The following ECPAS variants were observed in gnomAD, a reference collection of about 807,000 sequenced individuals.
ECPAS encodes the protein proteasome adapter and scaffold protein ECM29.
Under a neutral mutation model 255.1 loss-of-function variants are expected in ECPAS, and 70 were observed. The ratio of observed to expected loss-of-function variants is 0.27; its 90% CI spans 0.23 to 0.33. The LOEUF (loss-of-function observed/expected upper bound fraction) is 0.33. Ranked by LOEUF, ECPAS falls within the 10% of genes least tolerant of loss-of-function variation. The pLI is 1.00. For missense variants in ECPAS, 1,817 were observed against 2,206.4 expected (o/e 0.82, Z 3.54); for synonymous variants, 784 against 775.0 (o/e 1.01, Z -0.19).
At chr9:111,467,709 G>A (rs927236722) in intron 2 of ECPAS, among the ~76,000 whole-genome samples, 3 of 152,020 alleles carry the variant, frequency 2.0e-5, no homozygotes, top group South Asian at 2.1e-4. Context: ...TATAATAGAC[G>A]ATTTCAGAAA....
intron 2 of ECPAS, among the ~76,000 whole-genome samples, chr9:111,467,790 C>T (rs542392235): frequency 2.0e-5 from 3 of 152,232 alleles, no homozygotes; most frequent in African/African-American, 7.2e-5. Context: ...ACATCACAGT[C>T]ACAAAGCAGT....
chr9:111,381,374 TG>T (rs2098140377), intron 35 of ECPAS, among the ~76,000 whole-genome samples: 1 of 152,192 alleles, frequency 6.6e-6, no homozygotes, highest in Non-Finnish European at 1.5e-5. Context: ...CTTAAATGGG[TG>T]TAGTTCATAC....
chr9:111,450,488 A>T (rs2098258969), intron 3 of ECPAS, among the ~76,000 whole-genome samples: 1 of 152,234 alleles, frequency 6.6e-6, no homozygotes, highest in Admixed American at 6.5e-5. Context: ...GACCTCCAGG[A>T]AGTCACTGCC....
At chr9:111,433,671 CCTCT>C (rs1417843283) in intron 7 of ECPAS, among the ~76,000 whole-genome samples, 3 of 152,118 alleles carry the variant, frequency 2.0e-5, no homozygotes, top group Admixed American at 2.0e-4. Flanking sequence ...CAAACCCAAG[CCTCT>C]CTGACTCCAA....
At chr9:111,371,531 G>C in intron 43 of ECPAS, 90 bp downstream of exon 43, 1 of 1,199,430 alleles carries the variant, frequency 8.3e-7, no homozygotes, top group African/African-American at 1.5e-5. Context: ...TAATCCATTG[G>C]AAAAGTTACA....
rs1589166357 is a variant in ECPAS, at chr9:111,416,453, AGT to A, written c.1684-103_1684-102del. On this transcript the variant is annotated intron_variant, in intron 17 of 49. Transcript: ENST00000684092. Reference sequence around the variant, plus strand: ...ACTGTGTTTCTAGCTACATGTCCTAAGTTTGCTTCTTTTTCTGATCAAACATT... The same window carrying A: ...ACTGTGTTTCTAGCTACATGTCCTAATTGCTTCTTTTTCTGATCAAACATT... 3.6e-6 allele frequency: 3 copies of A among 822,584 alleles called. No homozygotes were observed. In the East Asian group the frequency reaches 7.7e-5, roughly 21 times the overall value. 51.0% of individuals were successfully genotyped at this position (822,584 alleles called of 1,614,324 possible).
At chr9:111,413,503 CTT>C (rs2098198130) in intron 20 of ECPAS, among the ~76,000 whole-genome samples, 2 of 151,690 alleles carry the variant, frequency 1.3e-5, no homozygotes, top group Admixed American at 1.3e-4. Flanking sequence ...TAAGTGGTCA[CTT>C]ATATATGTTT....
At chr9:111,445,984 A>G (rs1345862043) in intron 3 of ECPAS, among the ~76,000 whole-genome samples, 1 of 152,168 alleles carries the variant, frequency 6.6e-6, no homozygotes, top group Non-Finnish European at 1.5e-5. Flanking sequence ...AGCTTCATCC[A>G]TGTCCCTGCA....
chr9:111,366,753 G>A (rs2098120804), intron 46 of ECPAS, 126 bp from the exon 47 acceptor site: 1 of 625,746 alleles, frequency 1.6e-6, no homozygotes, highest in Non-Finnish European at 2.9e-6. Context: ...AGAAGGTGGG[G>A]AGGATAAGAG....
At chr9:111,473,470 C>T (rs1463744890) in intron 1 of ECPAS, among the ~76,000 whole-genome samples, 2 of 151,960 alleles carry the variant, frequency 1.3e-5, no homozygotes, top group Non-Finnish European at 2.9e-5. Flanking sequence ...TCTCTTAGCA[C>T]TCTTCATCTC....
chr9:111,362,924 T>A (rs887116172), intron 49 of ECPAS, among the ~76,000 whole-genome samples: 1 of 152,130 alleles, frequency 6.6e-6, no homozygotes, highest in African/African-American at 2.4e-5. Flanking sequence ...CTAAGAGAGG[T>A]GTTTTAATTG....
At chr9:111,391,697 T>G (rs2098160449) in intron 29 of ECPAS, 59 bp downstream of exon 29, 1 of 1,049,228 alleles carries the variant, frequency 9.5e-7, no homozygotes, top group Non-Finnish European at 1.5e-6. Context: ...TTTACCAGAC[T>G]AATAAATGCA....
intron 8 of ECPAS, 64 bp downstream of exon 8, chr9:111,433,169 G>C: frequency 6.5e-7 from 1 of 1,548,148 alleles, no homozygotes; most frequent in South Asian, 1.2e-5. Context: ...AACAAAAAAT[G>C]TGTCAAGTAA....
chr9:111,401,635 A>G (rs191603347), intron 24 of ECPAS, among the ~76,000 whole-genome samples: 3 of 152,334 alleles, frequency 2.0e-5, no homozygotes, highest in Non-Finnish European at 2.9e-5. Flanking sequence ...AGACCAGGGC[A>G]TATTTCAGTC....
At position 111,390,115 on chromosome 9, in the gene ECPAS, A is replaced by G. The variant is rs1238404506; in HGVS notation, c.3162-14T>C. On this transcript the variant is annotated splice_polypyrimidine_tract_variant and intron_variant, in intron 29 of 49. Coordinates refer to ENST00000684092, the MANE Select transcript of ECPAS (RefSeq NM_001364929.1). ...GAAAGGCCCTGACTTGGAAACAAAG[A>G]AAAAGAGGTAGGCAATAATACACTT... is the stretch of plus-strand genomic sequence containing the variant. 6.8e-7 allele frequency: 1 copy of G among 1,478,526 alleles called. No homozygotes were observed. Among genetic ancestry groups the G allele is most frequent in the South Asian group, 1.2e-5 (1 of 83,492 alleles). 91.6% of individuals were successfully genotyped at this position (1,478,526 alleles called of 1,614,324 possible). A position where few individuals can be genotyped will look rare whatever the true frequency, so the allele number is the denominator to read the frequency against.
chr9:111,416,027 C>T (rs372687898), intron 18 of ECPAS, among the ~76,000 whole-genome samples: 6 of 152,148 alleles, frequency 3.9e-5, no homozygotes, highest in Non-Finnish European at 8.8e-5. Flanking sequence ...GTAATCACTA[C>T]AGAACATCCA....
intron 12 of ECPAS, 24 bp from the exon 13 acceptor site, chr9:111,423,272 A>G: frequency 6.7e-7 from 1 of 1,493,186 alleles, no homozygotes; most frequent in Non-Finnish European, 9.1e-7. Context: ...AAAGAAAAGA[A>G]AGAAAAGAAA....
chr9:111,448,005 T>C (rs1276410054), intron 3 of ECPAS, among the ~76,000 whole-genome samples: 1 of 152,042 alleles, frequency 6.6e-6, no homozygotes, highest in Non-Finnish European at 1.5e-5. Context: ...TTAATAATCA[T>C]GTATATTTCA....
chr9:111,419,472 A>G (rs1402743370), intron 16 of ECPAS, among the ~76,000 whole-genome samples: 1 of 152,170 alleles, frequency 6.6e-6, no homozygotes, highest in African/African-American at 2.4e-5. Context: ...TTTTAAAGGC[A>G]TGTCCCAATT....
Sources: allele counts gnomAD v4.1 joint callset (sites outside exome capture counted in the v4.1 genomes callset), GRCh38; gene constraint gnomAD v4.1.1; transcripts MANE v1.5; gene names NCBI Gene and HGNC (gene_info 2026-07-23, HGNC 2026-07-21).